Variants in GRIN2B observed in about 807,000 individuals in gnomAD.
GRIN2B encodes the protein glutamate ionotropic receptor NMDA type subunit 2B.
Under a neutral mutation model 114.5 loss-of-function variants are expected in GRIN2B, and 5 were observed. That is an observed-to-expected ratio of 0.04 (90% CI 0.02 to 0.09). GRIN2B has a LOEUF of 0.09. Among genes scored for constraint, GRIN2B ranks in the 10% least tolerant of loss-of-function variants. GRIN2B has a pLI of 1.00. For missense variants in GRIN2B, 1,108 were observed against 1,943.5 expected, an observed-to-expected ratio of 0.57 and a Z score of 8.08; for synonymous variants, 787 against 745.1, an observed-to-expected ratio of 1.06 and a Z score of -0.92.
intron 5 of GRIN2B, among the ~76,000 whole-genome samples, chr12:13,668,223 T>C (rs1451418805): frequency 6.6e-6 from 1 of 152,206 alleles, no homozygotes; most frequent in African/African-American, 2.4e-5. Context: ...CATCAGCATG[T>C]ACAGGTTTCA....
intron 5 of GRIN2B, among the ~76,000 whole-genome samples, chr12:13,630,462 A>G (rs755677558): frequency 3.3e-5 from 5 of 152,188 alleles, no homozygotes; most frequent in Admixed American, 6.5e-5. Flanking sequence ...TTTGCCCAAT[A>G]GGATATCGAA....
At chr12:13,727,318 C>A (rs1048437366) in intron 4 of GRIN2B, among the ~76,000 whole-genome samples, 2 of 152,192 alleles carry the variant, frequency 1.3e-5, no homozygotes, top group African/African-American at 4.8e-5. Context: ...TTCCAGACAA[C>A]AGTTCTCATG....
intron 3 of GRIN2B, among the ~76,000 whole-genome samples, chr12:13,800,020 A>T (rs1275475627): frequency 2.0e-5 from 3 of 152,176 alleles, no homozygotes; most frequent in Non-Finnish European, 4.4e-5. Flanking sequence ...ATGAAAGATC[A>T]GCACCAGAAT....
chr12:13,823,131 G>C (rs1287325146), intron 3 of GRIN2B, among the ~76,000 whole-genome samples: 2 of 151,904 alleles, frequency 1.3e-5, no homozygotes, highest in African/African-American at 4.8e-5. Context: ...CTTTAAAATT[G>C]TATTGACTAT....
chr12:13,949,185 G>A (rs1867427954), intron 2 of GRIN2B, among the ~76,000 whole-genome samples: 1 of 152,144 alleles, frequency 6.6e-6, no homozygotes, highest in African/African-American at 2.4e-5. Context: ...ATAGTTCCTG[G>A]ACAGAAATGA....
intron 2 of GRIN2B, among the ~76,000 whole-genome samples, chr12:13,922,260 G>T (rs1866836867): frequency 6.6e-6 from 1 of 152,178 alleles, no homozygotes; most frequent in African/African-American, 2.4e-5. Context: ...TTTGAGACAT[G>T]GTGTCTCCAG....
At chr12:13,782,537 A>C (rs1179625751) in intron 3 of GRIN2B, among the ~76,000 whole-genome samples, 1 of 152,218 alleles carries the variant, frequency 6.6e-6, no homozygotes, top group Non-Finnish European at 1.5e-5. Flanking sequence ...TTGAAACTAC[A>C]ATAAAATACA....
intron 5 of GRIN2B, among the ~76,000 whole-genome samples, chr12:13,639,366 A>T (rs1949692535): frequency 6.6e-6 from 1 of 152,174 alleles, no homozygotes; most frequent in South Asian, 2.1e-4. Context: ...CAGTGTTCAT[A>T]GACACTGAAG....
chr12:13,549,820 T>G lies in GRIN2B; in HGVS notation c.*12963A>C, dbSNP rs914126250. The G allele has an allele frequency of 4.6e-5, 7 of 152,240 alleles. No individual in the cohort carries two copies. The allele number at this position is 152,240 out of a possible 1,614,324, so 9.4% of individuals were successfully genotyped here. A position where few individuals can be genotyped will look rare whatever the true frequency, so the allele number is the denominator to read the frequency against. ...CTTTCTGATTTTCAAATTTTTGCTT[T>G]CTTCTTGCTCTTTTTGACTTGTCTC... On this transcript the variant is annotated 3_prime_UTR_variant, in exon 14 of 14. Coordinates refer to ENST00000609686, the MANE Select transcript of GRIN2B (RefSeq NM_000834.5).
intron 4 of GRIN2B, among the ~76,000 whole-genome samples, chr12:13,694,683 ATATATATATATATATAT>A (rs1266745410): frequency 6.7e-5 from 7 of 105,146 alleles, no homozygotes; most frequent in African/African-American, 2.1e-4. Flanking sequence ...ATATATATAT[ATATATATATATATATAT>A]ATAAATTAAT....
chr12:13,697,325 CAGTCTATTG>C (rs1950270139), intron 4 of GRIN2B, among the ~76,000 whole-genome samples: 1 of 152,110 alleles, frequency 6.6e-6, no homozygotes, highest in African/African-American at 2.4e-5. Context: ...AAAAACAGAA[CAGTCTATTG>C]AGTCTATCAG....
chr12:13,880,407 G>A (rs951607737), intron 2 of GRIN2B, among the ~76,000 whole-genome samples: 4 of 152,290 alleles, frequency 2.6e-5, no homozygotes, highest in East Asian at 1.9e-4. Context: ...GCTGGCGCTC[G>A]GACTTAACGC....
chr12:13,753,354 G>C lies in GRIN2B; in HGVS notation c.973C>G (p.His325Asp), dbSNP rs773859531. 2.5e-6 allele frequency: 4 copies of C among 1,609,494 alleles called. No homozygotes were observed. Among genetic ancestry groups the C allele is most frequent in the Non-Finnish European group, 3.4e-6 (4 of 1,175,762 alleles). ...PEPKSSCYNTHEKRIYQSNML... is the reference protein window; with the variant it reads ...PEPKSSCYNTDEKRIYQSNML... ...TTGGACTGGTAGATTCTCTTCTCGT[G>C]GGTGTTGTAACAACTGCTTTTGGGC... The change falls in exon 4 of 14, where the codon CAC (histidine) becomes GAC (aspartate). Residue 325 changes from histidine to aspartate, a missense_variant. His to Asp is a moderately conservative substitution (Grantham distance 81). This residue lies in a region of GRIN2B where 199 missense variants were observed against 439.6 expected (regional missense o/e 0.45). Coordinates refer to ENST00000609686, the MANE Select transcript of GRIN2B (RefSeq NM_000834.5). The surrounding 1 kb of genome is among the most constrained non-coding windows in gnomAD (Gnocchi z 6.2).
intron 4 of GRIN2B, among the ~76,000 whole-genome samples, chr12:13,680,281 A>G (rs1450210151): frequency 6.6e-6 from 1 of 152,106 alleles, no homozygotes; most frequent in Non-Finnish European, 1.5e-5. Context: ...ATCCTGGGTA[A>G]AGGATTAAAT....
intron 10 of GRIN2B, among the ~76,000 whole-genome samples, chr12:13,572,702 G>A (rs1177703362): frequency 2.6e-5 from 4 of 152,142 alleles, no homozygotes; most frequent in Admixed American, 2.0e-4. Flanking sequence ...AAGTCTTTAT[G>A]TTGCTTCCTG....
chr12:13,644,361 T>A lies in GRIN2B; in HGVS notation c.1126-27704A>T, dbSNP rs537608709. On this transcript the variant is annotated intron_variant, in intron 5 of 13. Transcript: ENST00000609686. ...TCCTTTTTTGAACAGTAGGTCTCAA[T>A]AGTGGGCTTAAAATATTCGGTAAAT... 2.0e-5 allele frequency among the ~76,000 whole-genome samples: 3 copies of A among 152,266 alleles called. No individual in the cohort carries two copies. In the South Asian group the frequency reaches 6.2e-4, roughly 32 times the overall value.
intron 4 of GRIN2B, among the ~76,000 whole-genome samples, chr12:13,722,701 A>T (rs1862902928): frequency 6.6e-6 from 1 of 152,146 alleles, no homozygotes; most frequent in South Asian, 2.1e-4. Context: ...AAGTTAACAT[A>T]GTAAGGAATG....
intron 5 of GRIN2B, among the ~76,000 whole-genome samples, chr12:13,624,688 G>C (rs545725245): frequency 1.3e-5 from 2 of 152,268 alleles, no homozygotes; most frequent in South Asian, 4.1e-4. Flanking sequence ...CACGCTGAAG[G>C]GAAGCCCATC....
chr12:13,975,456 A>G lies in GRIN2B; in HGVS notation c.-19+4472T>C, dbSNP rs557343792. Among the ~76,000 whole-genome samples the G allele has an allele frequency of 1.4e-3, 212 of 152,348 alleles. 1 individual carries two copies. Among genetic ancestry groups the G allele is most frequent in the African/African-American group, 4.8e-3 (200 of 41,578 alleles). On this transcript the variant is annotated intron_variant, in intron 2 of 13. Coordinates refer to ENST00000609686, the MANE Select transcript of GRIN2B (RefSeq NM_000834.5). ...GCACTGGTGCTAAAGAAGTTATACA[A>G]CCTTAGGAAAATCACTTAATGTCCC...
Sources: gnomAD v4.1 joint callset for allele counts (sites outside exome capture counted in the v4.1 genomes callset) on GRCh38, gnomAD v4.1.1 for gene constraint, gnomAD v4.1.1 regional missense constraint, Gnocchi (gnomAD v3.1) non-coding constraint, MANE v1.5 for transcripts, NCBI Gene and HGNC (gene_info 2026-07-23, HGNC 2026-07-21) for gene names.